The following PINX1 variants were observed in gnomAD, a reference collection of about 807,000 sequenced individuals.
PINX1 encodes the protein PIN2 (TERF1) interacting telomerase inhibitor 1, also known as PIN2/TERF1-interacting telomerase inhibitor 1.
Under a neutral mutation model 25.4 loss-of-function variants are expected in PINX1, and 34 were observed. The observed-to-expected ratio is 1.34, with a 90% CI of 1.02 to 1.78. The LOEUF (loss-of-function observed/expected upper bound fraction) is 1.78. Among genes scored for constraint, PINX1 ranks in the 40% most tolerant of loss-of-function variants. PINX1 has a pLI of 0.00. For synonymous variants in PINX1, 197 were observed against 147.7 expected (o/e 1.33, Z -2.42); for missense variants, 592 against 404.9 (o/e 1.46, Z -3.97).
chr8:10,802,424 C>G (rs1008744467), intron 6 of PINX1, among the ~76,000 whole-genome samples: 5 of 152,188 alleles, frequency 3.3e-5, no homozygotes, highest in African/African-American at 1.2e-4. Context: ...CTGGAGACAT[C>G]AATCAAATTT....
At chr8:10,787,223 A>G (rs11778578) in intron 6 of PINX1, among the ~76,000 whole-genome samples, 30,643 of 151,822 alleles carry the variant, frequency 0.2, 4,424 homozygotes, top group African/African-American at 0.41. Flanking sequence ...ACACACACAC[A>G]CGTTTGTTTG....
chr8:10,766,927 G>A (rs937232307), intron 6 of PINX1, among the ~76,000 whole-genome samples: 9 of 152,224 alleles, frequency 5.9e-5, no homozygotes, highest in African/African-American at 1.9e-4. Flanking sequence ...TGTGAGGCAG[G>A]AAGTGCTTTC....
chr8:10,788,951 A>C (rs1474416435), intron 6 of PINX1, among the ~76,000 whole-genome samples: 2 of 144,422 alleles, frequency 1.4e-5, no homozygotes, highest in Non-Finnish European at 3.0e-5. Context: ...CAGGAATATT[A>C]TGTAATACCA....
At chr8:10,824,067 ATT>A (rs747848645) in intron 5 of PINX1, among the ~76,000 whole-genome samples, 209 of 151,978 alleles carry the variant, frequency 1.4e-3, no homozygotes, top group Middle Eastern at 6.8e-3. Context: ...GAAAATCTTT[ATT>A]ATCTACAATG....
chr8:10,838,606 A>C (rs867238927), intron 1 of PINX1, among the ~76,000 whole-genome samples: 1 of 152,268 alleles, frequency 6.6e-6, no homozygotes, highest in Non-Finnish European at 1.5e-5. Context: ...TGAATTAAGC[A>C]AACATCAAAG....
intron 6 of PINX1, among the ~76,000 whole-genome samples, chr8:10,796,165 T>C (rs1273009204): frequency 4.6e-5 from 7 of 152,124 alleles, no homozygotes; most frequent in Non-Finnish European, 8.8e-5. Flanking sequence ...GAATATCTGC[T>C]GAGTGCATGG....
intron 4 of PINX1, among the ~76,000 whole-genome samples, chr8:10,828,651 A>T (rs1395783490): frequency 6.6e-6 from 1 of 152,208 alleles, no homozygotes; most frequent in African/African-American, 2.4e-5. Flanking sequence ...GGTATCAAGA[A>T]GGATGCGTGA....
At chr8:10,781,979 G>C (rs1402465294) in intron 6 of PINX1, among the ~76,000 whole-genome samples, 1 of 149,688 alleles carries the variant, frequency 6.7e-6, no homozygotes, top group Non-Finnish European at 1.5e-5. Context: ...TGGTGTGTAT[G>C]TATGTATACA....
At chr8:10,776,362 T>G (rs533808923) in intron 6 of PINX1, among the ~76,000 whole-genome samples, 1 of 151,620 alleles carries the variant, frequency 6.6e-6, no homozygotes, top group Non-Finnish European at 1.5e-5. Flanking sequence ...GAAGCGGAGG[T>G]TGCAGTGAGC....
At chr8:10,815,084 G>T (rs952985063) in intron 6 of PINX1, among the ~76,000 whole-genome samples, 2 of 152,138 alleles carry the variant, frequency 1.3e-5, no homozygotes, top group African/African-American at 4.8e-5. Flanking sequence ...GAGACTACAG[G>T]TGGATGCCAC....
At chr8:10,796,383 G>A (rs1420160306) in intron 6 of PINX1, among the ~76,000 whole-genome samples, 3 of 152,046 alleles carry the variant, frequency 2.0e-5, no homozygotes, top group Non-Finnish European at 2.9e-5. Context: ...GCAAGAATCC[G>A]ATGAGTTCCA....
chr8:10,837,136 C>A (rs1394681262), intron 1 of PINX1, among the ~76,000 whole-genome samples: 1 of 152,214 alleles, frequency 6.6e-6, no homozygotes, highest in Non-Finnish European at 1.5e-5. Context: ...CCTGTTTATG[C>A]AAATGATACA....
chr8:10,805,103 G>GC (rs1357874491), intron 6 of PINX1, among the ~76,000 whole-genome samples: 3 of 152,188 alleles, frequency 2.0e-5, no homozygotes, highest in Non-Finnish European at 2.9e-5. Flanking sequence ...AAAGGCAAAT[G>GC]CAATAGGTGA....
intron 6 of PINX1, among the ~76,000 whole-genome samples, chr8:10,805,890 T>C (rs1202038902): frequency 9.1e-5 from 8 of 88,020 alleles, no homozygotes; most frequent in East Asian, 2.6e-4. Context: ...GCCACACTAG[T>C]GCTGAGGGGG....
At chr8:10,817,762 G>C (rs1162394027) in intron 6 of PINX1, among the ~76,000 whole-genome samples, 1 of 152,100 alleles carries the variant, frequency 6.6e-6, no homozygotes, top group Non-Finnish European at 1.5e-5. Flanking sequence ...CAGTTTGACA[G>C]GGAAGACCTG....
chr8:10,802,571 C>T lies in PINX1; in HGVS notation c.471+17622G>A, dbSNP rs144942962. 2.2e-3 allele frequency among the ~76,000 whole-genome samples: 333 copies of T among 152,344 alleles called. 1 individual carries two copies. The highest frequency in any genetic ancestry group is 3.9e-3 in the Non-Finnish European group (267 of 68,034). ...AGTATCAACAAAAACCTATTGGTTA[C>T]TCTGCATTCCTAAATCTTCCTAACT... On this transcript the variant is annotated intron_variant, in intron 6 of 6. Coordinates refer to ENST00000314787, the MANE Select transcript of PINX1 (RefSeq NM_017884.6).
chr8:10,808,808 G>T (rs1802536174), intron 6 of PINX1, among the ~76,000 whole-genome samples: 1 of 152,052 alleles, frequency 6.6e-6, no homozygotes, highest in South Asian at 2.1e-4. Flanking sequence ...GAATAAGTAG[G>T]AAGCATTTAT....
chr8:10,780,454 C>A (rs1473532987), intron 6 of PINX1, among the ~76,000 whole-genome samples: 1 of 152,126 alleles, frequency 6.6e-6, no homozygotes. Flanking sequence ...TCTGTGTTGA[C>A]TGAGATGATC....
At chr8:10,826,873 G>A (rs1227121862) in intron 4 of PINX1, among the ~76,000 whole-genome samples, 1 of 152,224 alleles carries the variant, frequency 6.6e-6, no homozygotes, top group Non-Finnish European at 1.5e-5. Flanking sequence ...ACAAAGATGA[G>A]GCATGAGGTT....
Sources: gnomAD v4.1 joint callset for allele counts (sites outside exome capture counted in the v4.1 genomes callset) on GRCh38, gnomAD v4.1.1 for gene constraint, MANE v1.5 for transcripts, NCBI Gene and HGNC (gene_info 2026-07-23, HGNC 2026-07-21) for gene names.